PTPRM: variants seen among roughly 807,000 people sequenced by gnomAD.
PTPRM encodes the protein protein tyrosine phosphatase receptor type M, also known as receptor-type tyrosine-protein phosphatase mu.
A neutral mutation model predicts 186.7 loss-of-function variants in PTPRM; 47 were observed. That is an observed-to-expected ratio of 0.25 (90% CI 0.20 to 0.32). The LOEUF is 0.32. Ranked by LOEUF, PTPRM falls within the 10% of genes least tolerant of loss-of-function variation. The pLI is 1.00. For synonymous variants in PTPRM, 668 were observed against 674.9 expected, an observed-to-expected ratio of 0.99 and a Z score of 0.16; for missense variants, 1,494 against 1,865.0, an observed-to-expected ratio of 0.80 and a Z score of 3.66.
At chr18:7,725,326 C>T (rs2040525294) in intron 1 of PTPRM, among the ~76,000 whole-genome samples, 1 of 152,070 alleles carries the variant, frequency 6.6e-6, no homozygotes, top group Non-Finnish European at 1.5e-5. Flanking sequence ...ATATTTTTGC[C>T]AGTGCTTGTT....
Position 8,384,626 on chromosome 18 carries a change from C to T in PTPRM, c.3984C>T (p.Val1328=). ...HRHGPIQVEF[V]SADLEEDIIS... The stretch of plus-strand genomic sequence containing the variant: ...ACGGCCCCATCCAGGTGGAATTTGT[C>T]TCTGCTGACCTGGAAGAGGACATCA... The change falls in exon 30 of 33, where the codon GTC becomes GTT. Residue 1328 remains valine, a synonymous_variant. Transcript: ENST00000580170. 2 of 1,614,172 alleles carry T rather than the reference C, an allele frequency of 1.2e-6. No homozygotes were observed. The highest frequency in any genetic ancestry group is 1.7e-6 in the Non-Finnish European group (2 of 1,180,000).
chr18:8,372,952 T>C (rs1337265336), intron 24 of PTPRM, among the ~76,000 whole-genome samples: 2 of 152,176 alleles, frequency 1.3e-5, no homozygotes, highest in Non-Finnish European at 2.9e-5. Flanking sequence ...CCTCTTTTTT[T>C]TTAACCTCTT....
intron 13 of PTPRM, among the ~76,000 whole-genome samples, chr18:8,123,202 A>G (rs1397117100): frequency 6.6e-6 from 1 of 152,232 alleles, no homozygotes; most frequent in Non-Finnish European, 1.5e-5. Context: ...TTACCTGGGC[A>G]GGACTCAAAA....
At chr18:7,999,767 C>T (rs1568161154) in intron 7 of PTPRM, among the ~76,000 whole-genome samples, 1 of 151,996 alleles carries the variant, frequency 6.6e-6, no homozygotes. Context: ...AATTATTGTA[C>T]TAGGGTTCTC....
chr18:8,331,560 G>C (rs760464546), intron 22 of PTPRM, among the ~76,000 whole-genome samples: 1 of 152,172 alleles, frequency 6.6e-6, no homozygotes, highest in African/African-American at 2.4e-5. Flanking sequence ...GCTACTTATT[G>C]TTATTATCAT....
chr18:8,177,759 A>G (rs1042195198), intron 14 of PTPRM, among the ~76,000 whole-genome samples: 1 of 152,196 alleles, frequency 6.6e-6, no homozygotes, highest in African/African-American at 2.4e-5. Flanking sequence ...CATTTGGAAA[A>G]GGGCCAAGTA....
chr18:8,369,293 A>G (rs1455662096), intron 23 of PTPRM, among the ~76,000 whole-genome samples: 5 of 152,242 alleles, frequency 3.3e-5, no homozygotes, highest in African/African-American at 1.2e-4. Context: ...TTCAGAAAGT[A>G]GTTAGAAATA....
intron 14 of PTPRM, among the ~76,000 whole-genome samples, chr18:8,145,663 T>C (rs892176703): frequency 2.0e-5 from 3 of 152,248 alleles, no homozygotes; most frequent in Non-Finnish European, 2.9e-5. Flanking sequence ...CATCCTTTTT[T>C]ATGGCTGCAT....
At chr18:7,625,049 A>AT (rs917705886) in intron 1 of PTPRM, among the ~76,000 whole-genome samples, 3 of 152,196 alleles carry the variant, frequency 2.0e-5, no homozygotes, top group African/African-American at 7.2e-5. Flanking sequence ...CTCTAACAGA[A>AT]TTTACAGAAA....
At chr18:8,255,968 G>C (rs755762954) in intron 19 of PTPRM, among the ~76,000 whole-genome samples, 3 of 152,218 alleles carry the variant, frequency 2.0e-5, no homozygotes, top group Non-Finnish European at 2.9e-5. Context: ...TGGTGGTGGA[G>C]TGAAAGGTCC....
Position 7,949,269 on chromosome 18 carries a change from C to T in PTPRM, c.752C>T (p.Thr251Ile), listed in dbSNP as rs771601141. 3 of 1,613,682 alleles carry T rather than the reference C, an allele frequency of 1.9e-6. No homozygotes were observed. The highest frequency in any genetic ancestry group is 1.1e-5 in the South Asian group (1 of 91,058). ...FIASFNVVNT[T>I]KRDAGKYRCM... is the part of the protein sequence containing the mutation. ...GCTTCATTTAATGTTGTGAATACCA[C>T]CAAACGAGATGCTGGAAAGTACCGC... Residue 251 changes from threonine (T) to isoleucine (I), a missense_variant, in exon 6 of 33, where the codon ACC becomes ATC. By Grantham distance (89) the Thr-to-Ile change is moderately conservative. Around this residue, in one of 3 missense-constraint regions of PTPRM, gnomAD observed 296 missense variants for 345.5 expected, o/e 0.86. Transcript: ENST00000580170.
intron 19 of PTPRM, among the ~76,000 whole-genome samples, chr18:8,262,538 G>A (rs886591549): frequency 6.6e-6 from 1 of 152,158 alleles, no homozygotes; most frequent in African/African-American, 2.4e-5. Flanking sequence ...GCTGCAGGTT[G>A]TGGCCTCTGC....
intron 1 of PTPRM, among the ~76,000 whole-genome samples, chr18:7,663,415 C>A (rs2039023351): frequency 6.6e-6 from 1 of 152,218 alleles, no homozygotes; most frequent in African/African-American, 2.4e-5. Flanking sequence ...CCCTCAAAAT[C>A]ACTGCCTTCA....
chr18:8,122,226 T>A (rs2092201505), intron 13 of PTPRM: 1 of 152,564 alleles, frequency 6.6e-6, no homozygotes, highest in Non-Finnish European at 1.5e-5. Context: ...GACCTGGAAA[T>A]CCTCCTTTGC....
chr18:7,724,948 T>A (rs1441782509), intron 1 of PTPRM, among the ~76,000 whole-genome samples: 1 of 152,212 alleles, frequency 6.6e-6, no homozygotes, highest in Admixed American at 6.5e-5. Context: ...TAGTATTTTC[T>A]AATTGTATTT....
intron 19 of PTPRM, among the ~76,000 whole-genome samples, chr18:8,289,475 T>TAC (rs1283554686): frequency 1.1e-5 from 1 of 90,388 alleles, no homozygotes; most frequent in Non-Finnish European, 2.1e-5. Flanking sequence ...TATACACACA[T>TAC]ATGTATATAT....
At chr18:7,801,837 C>A (rs954743661) in intron 2 of PTPRM, among the ~76,000 whole-genome samples, 1 of 152,154 alleles carries the variant, frequency 6.6e-6, no homozygotes, top group African/African-American at 2.4e-5. Flanking sequence ...GGCTGAAATG[C>A]TGTTGTGTGG....
At chr18:8,279,193 A>C (rs887295076) in intron 19 of PTPRM, among the ~76,000 whole-genome samples, 10 of 152,162 alleles carry the variant, frequency 6.6e-5, no homozygotes, top group African/African-American at 2.4e-4. Flanking sequence ...AGGATGGTCT[A>C]AATATGAGCA....
intron 22 of PTPRM, among the ~76,000 whole-genome samples, chr18:8,319,501 C>T (rs191837541): frequency 1.3e-5 from 2 of 152,258 alleles, no homozygotes; most frequent in Non-Finnish European, 2.9e-5. Context: ...GTATAGATAG[C>T]CATTCCATCA....
Sources: allele counts gnomAD v4.1 joint callset (sites outside exome capture counted in the v4.1 genomes callset), GRCh38; gene constraint gnomAD v4.1.1; regional missense constraint gnomAD v4.1.1; transcripts MANE v1.5; gene names NCBI Gene and HGNC (gene_info 2026-07-23, HGNC 2026-07-21).